The following SMYD2 variants were observed in gnomAD, a reference collection of about 807,000 sequenced individuals.
SMYD2 encodes the protein SET and MYND domain containing 2, also known as N-lysine methyltransferase SMYD2.
Under a neutral mutation model 59.1 loss-of-function variants are expected in SMYD2, and 53 were observed. The ratio of observed to expected loss-of-function variants is 0.90; its 90% CI spans 0.72 to 1.13. The LOEUF is 1.13. Ranked by LOEUF, SMYD2 falls within the 50% of genes most tolerant of loss-of-function variation. SMYD2 has a pLI of 0.00. For missense variants in SMYD2, 494 were observed against 544.7 expected (o/e 0.91, Z 0.93); for synonymous variants, 208 against 198.8 (o/e 1.05, Z -0.39).
intron 1 of SMYD2, among the ~76,000 whole-genome samples, chr1:214,289,226 T>C (rs900538851): frequency 6.6e-6 from 1 of 152,176 alleles, no homozygotes; most frequent in Non-Finnish European, 1.5e-5. Flanking sequence ...AATTGTCTCT[T>C]TTAGGATTTG....
chr1:214,283,724 A>C (rs1656485912), intron 1 of SMYD2, among the ~76,000 whole-genome samples: 1 of 152,146 alleles, frequency 6.6e-6, no homozygotes, highest in Non-Finnish European at 1.5e-5. Flanking sequence ...GAATTCTGGA[A>C]ATGTTCATAC....
chr1:214,320,021 T>G (rs1032045019), intron 5 of SMYD2, among the ~76,000 whole-genome samples: 3 of 152,152 alleles, frequency 2.0e-5, no homozygotes, highest in African/African-American at 7.2e-5. Context: ...TATTGTAGGA[T>G]TCTTTTAAAA....
chr1:214,281,337 A>C lies in SMYD2; in HGVS notation c.83A>C (p.Gln28Pro). The change falls in exon 1 of 12, where the codon CAG becomes CCG. Residue 28 changes from glutamine (Q) to proline (P), a missense_variant. Transcript: ENST00000366957. ...GGGCTGCGGGCTCTGCAGCCCTTCC[A>C]GGTGGGGGACTTGCTGTTCTCCTGC... ...GRGLRALQPF[Q>P]VGDLLFSCPA... 1 of 1,438,792 alleles carries C rather than the reference A, an allele frequency of 7.0e-7. No homozygotes were observed. The highest frequency in any genetic ancestry group is 9.2e-7 in the Non-Finnish European group (1 of 1,087,304). The allele number at this position is 1,438,792 out of a possible 1,614,324, so 89.1% of individuals were successfully genotyped here. A position where few individuals can be genotyped will look rare whatever the true frequency, so the allele number is the denominator to read the frequency against.
chr1:214,330,882 G>A, intron 8 of SMYD2, 68 bp from the exon 9 acceptor site: 1 of 1,609,282 alleles, frequency 6.2e-7, no homozygotes, highest in South Asian at 1.1e-5. Flanking sequence ...TGTATTATAT[G>A]AGAGGTTTCC....
At chr1:214,319,498 A>G (rs760444167) in intron 5 of SMYD2, among the ~76,000 whole-genome samples, 1 of 152,214 alleles carries the variant, frequency 6.6e-6, no homozygotes, top group Non-Finnish European at 1.5e-5. Context: ...GTGGCTAAGA[A>G]ATCTTGTTTA....
chr1:214,306,137 G>T (rs887176136), intron 2 of SMYD2, among the ~76,000 whole-genome samples: 10 of 152,012 alleles, frequency 6.6e-5, no homozygotes, highest in African/African-American at 2.2e-4. Flanking sequence ...GCTGTTAAAG[G>T]GTGGCTCTAC....
intron 2 of SMYD2, among the ~76,000 whole-genome samples, chr1:214,311,378 T>C (rs1436988700): frequency 6.6e-6 from 1 of 152,244 alleles, no homozygotes; most frequent in Non-Finnish European, 1.5e-5. Flanking sequence ...AAGCTTGATA[T>C]CTGATTATCA....
At chr1:214,314,326 G>A (rs960582994) in intron 2 of SMYD2, among the ~76,000 whole-genome samples, 2 of 152,142 alleles carry the variant, frequency 1.3e-5, no homozygotes, top group African/African-American at 4.8e-5. Context: ...ACTCATTGCT[G>A]TGTAAGTCAA....
intron 1 of SMYD2, among the ~76,000 whole-genome samples, chr1:214,302,304 A>C (rs1200974694): frequency 1.3e-5 from 2 of 149,880 alleles, no homozygotes; most frequent in Non-Finnish European, 3.0e-5. Flanking sequence ...ATGCCATTGC[A>C]CTCAAGCCTG....
At chr1:214,285,754 G>A (rs1656527574) in intron 1 of SMYD2, among the ~76,000 whole-genome samples, 1 of 152,184 alleles carries the variant, frequency 6.6e-6, no homozygotes, top group Non-Finnish European at 1.5e-5. Context: ...CCTTAGTAAA[G>A]CAGTTTGGTC....
At chr1:214,291,500 A>G (rs1027472917) in intron 1 of SMYD2, among the ~76,000 whole-genome samples, 9 of 152,084 alleles carry the variant, frequency 5.9e-5, no homozygotes, top group African/African-American at 2.2e-4. Context: ...TTATTAGCTC[A>G]TACCCTTTTG....
Position 214,318,666 on chromosome 1 carries a change from T to C in SMYD2, c.410-193T>C, listed in dbSNP as rs988318821. Among the ~76,000 whole-genome samples the C allele has an allele frequency of 6.6e-6, 1 of 152,078 alleles. No homozygotes were observed. The highest frequency in any genetic ancestry group is 1.5e-5 in the Non-Finnish European group (1 of 68,026). The stretch of plus-strand genomic sequence containing the variant: ...CAGAGGGAGAGAAGGAAGAAATGGC[T>C]TGCTTTCTTTCCTTAGGGTTTGTCA... On this transcript the variant is annotated intron_variant, in intron 4 of 11. Transcript: ENST00000366957. The surrounding 1 kb of genome is among the most constrained non-coding windows in gnomAD (Gnocchi z 5.4).
chr1:214,296,768 A>G (rs1256809327), intron 1 of SMYD2, among the ~76,000 whole-genome samples: 1 of 151,014 alleles, frequency 6.6e-6, no homozygotes, highest in East Asian at 1.9e-4. Flanking sequence ...AAGTACCAGA[A>G]AGAAAAAAGG....
intron 1 of SMYD2, among the ~76,000 whole-genome samples, chr1:214,304,038 G>A (rs566123877): frequency 6.6e-6 from 1 of 152,344 alleles, no homozygotes; most frequent in South Asian, 2.1e-4. Context: ...TAATTCAGTG[G>A]CTTTTCAGCT....
chr1:214,303,895 C>T (rs546137606), intron 1 of SMYD2, among the ~76,000 whole-genome samples: 1 of 152,362 alleles, frequency 6.6e-6, no homozygotes, highest in South Asian at 2.1e-4. Flanking sequence ...GTCGGTATCT[C>T]CACAAGTCCA....
intron 2 of SMYD2, among the ~76,000 whole-genome samples, chr1:214,307,766 AC>A (rs1656937236): frequency 6.6e-6 from 1 of 152,156 alleles, no homozygotes; most frequent in Non-Finnish European, 1.5e-5. Context: ...AGATTCGCAG[AC>A]CCAGAGACCT....
Position 214,330,245 on chromosome 1 carries a change from C to A in SMYD2, c.783C>A (p.Thr261=). 3 of 1,613,238 alleles carry A rather than the reference C, an allele frequency of 1.9e-6. No individual in the cohort carries two copies. Among genetic ancestry groups the A allele is most frequent in the Non-Finnish European group, 2.5e-6 (3 of 1,179,442 alleles). The change falls in exon 8 of 12, where the codon ACC becomes ACA. Residue 261 remains threonine, a synonymous_variant. Coordinates refer to ENST00000366957, the MANE Select transcript of SMYD2 (RefSeq NM_020197.3). ...GGTTAAGAGATTCTTATTTCTTTACCTGTGAGTGCCAGGAGTGTACCACCA... is the reference window on the plus strand; with the variant it reads ...GGTTAAGAGATTCTTATTTCTTTACATGTGAGTGCCAGGAGTGTACCACCA... ...NDRLRDSYFF[T]CECQECTTKD... is the part of the protein sequence containing the mutation.
In SMYD2 at chr1:214,318,761, C is replaced by T. The variant is rs1400760868; in HGVS notation, c.410-98C>T. The T allele has an allele frequency of 5.3e-4, 601 of 1,140,282 alleles. No homozygotes were observed. The highest frequency in any genetic ancestry group is 1.6e-3 in the African/African-American group (98 of 61,224). 70.6% of individuals were successfully genotyped at this position (1,140,282 alleles called of 1,614,324 possible). ...TGTTAGTTTTGGGTTTTTTTTTTTT[C>T]GCCCGTTCCTTTCCTCTGTATCATT... is the stretch of plus-strand genomic sequence containing the variant. On this transcript the variant is annotated intron_variant, in intron 4 of 11. Coordinates refer to ENST00000366957, the MANE Select transcript of SMYD2 (RefSeq NM_020197.3). This position sits in a 1 kb window ranked among gnomAD's most constrained non-coding sequence, Gnocchi z 5.4.
chr1:214,330,123 G>A (rs748413053), intron 7 of SMYD2, 45 bp from the exon 8 acceptor site: 22 of 1,338,634 alleles, frequency 1.6e-5, no homozygotes, highest in African/African-American at 4.4e-5. Context: ...CAAGGATTGA[G>A]TTTACCTGTA....
Sources: gnomAD v4.1 joint callset for allele counts (sites outside exome capture counted in the v4.1 genomes callset) on GRCh38, gnomAD v4.1.1 for gene constraint, Gnocchi (gnomAD v3.1) non-coding constraint, MANE v1.5 for transcripts, NCBI Gene and HGNC (gene_info 2026-07-23, HGNC 2026-07-21) for gene names.